SOBP: variants seen among roughly 807,000 people sequenced by gnomAD.
SOBP encodes the protein sine oculis binding protein homolog, also known as sine oculis-binding protein homolog.
SOBP carries 4 observed loss-of-function variants against 53.6 expected under a neutral mutation model. That is an observed-to-expected ratio of 0.07 (90% CI 0.04 to 0.17). The LOEUF is 0.17. Among genes scored for constraint, SOBP ranks in the 10% least tolerant of loss-of-function variants. The pLI is 1.00. For missense variants in SOBP, 1,088 were observed against 1,204.7 expected, an observed-to-expected ratio of 0.90 and a Z score of 1.43; for synonymous variants, 584 against 522.6, an observed-to-expected ratio of 1.12 and a Z score of -1.60.
chr6:107,599,728 C>T (rs1293592581), intron 5 of SOBP, among the ~76,000 whole-genome samples: 1 of 152,048 alleles, frequency 6.6e-6, no homozygotes, highest in Non-Finnish European at 1.5e-5. Context: ...TGAACACAAC[C>T]ACCTACTTTT....
At chr6:107,602,609 AAGG>A (rs1477957423) in intron 5 of SOBP, among the ~76,000 whole-genome samples, 1 of 150,542 alleles carries the variant, frequency 6.6e-6, no homozygotes, top group Admixed American at 6.6e-5. Flanking sequence ...GGAAAGGAAG[AAGG>A]AGGAGAATCC....
At chr6:107,493,790 A>G (rs1782634396) in intron 1 of SOBP, among the ~76,000 whole-genome samples, 1 of 152,196 alleles carries the variant, frequency 6.6e-6, no homozygotes, top group Admixed American at 6.5e-5. Flanking sequence ...ATGGCTGGAG[A>G]AGACAAACTG....
chr6:107,654,844 G>A (rs564740853), intron 6 of SOBP, among the ~76,000 whole-genome samples: 2 of 151,328 alleles, frequency 1.3e-5, no homozygotes, highest in South Asian at 4.2e-4. Flanking sequence ...CTGAGGAACA[G>A]TAGAAGAATC....
At chr6:107,508,246 A>G (rs1028374287) in intron 3 of SOBP, among the ~76,000 whole-genome samples, 1 of 152,140 alleles carries the variant, frequency 6.6e-6, no homozygotes, top group Non-Finnish European at 1.5e-5. Context: ...GTTTTTCTTC[A>G]TGGTTCCCGC....
intron 6 of SOBP, among the ~76,000 whole-genome samples, chr6:107,639,009 TCTC>T (rs1248142873): frequency 1.3e-5 from 2 of 152,150 alleles, no homozygotes; most frequent in Non-Finnish European, 2.9e-5. Flanking sequence ...TTGAAGCAAT[TCTC>T]CTGCCTCAGC....
intron 1 of SOBP, among the ~76,000 whole-genome samples, chr6:107,500,733 G>GC (rs954017012): frequency 9.3e-4 from 141 of 152,108 alleles, no homozygotes; most frequent in African/African-American, 3.2e-3. Context: ...CACCATGTTA[G>GC]CCAGGATGGT....
chr6:107,636,051 G>A (rs1391977627), intron 6 of SOBP, among the ~76,000 whole-genome samples: 1 of 152,178 alleles, frequency 6.6e-6, no homozygotes, highest in Admixed American at 6.5e-5. Flanking sequence ...CTGAACCCAG[G>A]CCACTGAGTC....
intron 5 of SOBP, among the ~76,000 whole-genome samples, chr6:107,608,064 GAC>G (rs547478814): frequency 2.1e-3 from 323 of 152,326 alleles, no homozygotes; most frequent in African/African-American, 7.5e-3. Flanking sequence ...TATGATGACT[GAC>G]ACTTTGAGTT....
chr6:107,626,808 C>T (rs867633363), intron 5 of SOBP, among the ~76,000 whole-genome samples: 1 of 150,556 alleles, frequency 6.6e-6, no homozygotes, highest in African/African-American at 2.4e-5. Flanking sequence ...CTTTCTTTCT[C>T]ACATGTTTCC....
intron 5 of SOBP, among the ~76,000 whole-genome samples, chr6:107,598,203 A>G (rs1080666): frequency 2.0e-5 from 3 of 152,238 alleles, no homozygotes; most frequent in African/African-American, 7.2e-5. Context: ...AACTACGCTT[A>G]TATGAACAAT....
chr6:107,634,316 C>T lies in SOBP; in HGVS notation c.1472C>T (p.Pro491Leu), dbSNP rs1446096960. The change falls in exon 6 of 7, where the codon CCG becomes CTG. Residue 491 changes from proline to leucine, a missense_variant. By Grantham distance (98) the Pro-to-Leu change is moderately conservative. Transcript: ENST00000317357. The surrounding 1 kb of genome is among the most constrained non-coding windows in gnomAD (Gnocchi z 4.5). The stretch of plus-strand genomic sequence containing the variant: ...GCCCCGCTGCCGAGTCTTCCCTTCC[C>T]GCCAGTGAGCATGATGCCAAATGGC... ...PGAPLPSLPF[P>L]PVSMMPNGPM... The T allele has an allele frequency of 7.0e-6, 11 of 1,579,330 alleles. No individual in the cohort carries two copies. In the East Asian group the frequency reaches 1.9e-4, roughly 27 times the overall value.
rs113822429 is a variant in SOBP at position 107,613,036 on chromosome 6, A to G, written c.670-20478A>G. On this transcript the variant is annotated intron_variant, in intron 5 of 6. Transcript: ENST00000317357. ...TTCCACCCTTTGGCTATTGGGAATA[A>G]TGCTGAAATGAACACTGGCATACAA... 5.2e-3 allele frequency among the ~76,000 whole-genome samples: 786 copies of G among 152,350 alleles called. 7 individuals are homozygous for G. Among genetic ancestry groups the G allele is most frequent in the African/African-American group, 0.018 (760 of 41,574 alleles).
At chr6:107,566,120 CT>C (rs1784910263) in intron 4 of SOBP, among the ~76,000 whole-genome samples, 1 of 152,252 alleles carries the variant, frequency 6.6e-6, no homozygotes, top group Non-Finnish European at 1.5e-5. Context: ...TCTACTCTGA[CT>C]TCACTATTAA....
At chr6:107,503,608 AG>A in intron 1 of SOBP, 48 bp from the exon 2 acceptor site, 2 of 1,602,168 alleles carry the variant, frequency 1.2e-6, no homozygotes, top group South Asian at 2.2e-5. Flanking sequence ...ATTCTTTTCA[AG>A]TAGTTATTGA....
At chr6:107,570,035 A>G (rs549042744) in intron 4 of SOBP, among the ~76,000 whole-genome samples, 69 of 152,288 alleles carry the variant, frequency 4.5e-4, no homozygotes, top group Non-Finnish European at 1.8e-4. Context: ...AGGAAGAGAG[A>G]AGTAAGGGTA....
At chr6:107,516,145 T>A (rs113605164) in intron 3 of SOBP, among the ~76,000 whole-genome samples, 76 of 152,234 alleles carry the variant, frequency 5.0e-4, no homozygotes, top group African/African-American at 1.8e-3. Context: ...AACTTTCCTC[T>A]TGATATCAAG....
At chr6:107,544,693 T>C (rs986859574) in intron 4 of SOBP, among the ~76,000 whole-genome samples, 3 of 152,242 alleles carry the variant, frequency 2.0e-5, no homozygotes, top group African/African-American at 7.2e-5. Flanking sequence ...ATGCGCTTTC[T>C]TTGCTAATTT....
At chr6:107,651,565 G>C (rs891359781) in intron 6 of SOBP, among the ~76,000 whole-genome samples, 1 of 152,238 alleles carries the variant, frequency 6.6e-6, no homozygotes, top group Admixed American at 6.5e-5. Flanking sequence ...AGCAAGTGCT[G>C]ATGTAGAAGC....
At chr6:107,596,824 C>CCAT (rs889762456) in intron 5 of SOBP, among the ~76,000 whole-genome samples, 31 of 152,266 alleles carry the variant, frequency 2.0e-4, no homozygotes, top group African/African-American at 7.0e-4. Flanking sequence ...ATGCCCTTAT[C>CCAT]CATCACCACC....
Sources: allele counts gnomAD v4.1 joint callset (sites outside exome capture counted in the v4.1 genomes callset), GRCh38; gene constraint gnomAD v4.1.1; non-coding constraint Gnocchi (gnomAD v3.1); transcripts MANE v1.5; gene names NCBI Gene and HGNC (gene_info 2026-07-23, HGNC 2026-07-21).